LPP: variants seen among roughly 807,000 people sequenced by gnomAD.
The protein encoded by LPP is LIM domain containing preferred translocation partner in lipoma.
A neutral mutation model predicts 60.4 loss-of-function variants in LPP; 38 were observed. The ratio of observed to expected loss-of-function variants is 0.63; its 90% CI spans 0.49 to 0.83. The LOEUF (loss-of-function observed/expected upper bound fraction) is 0.83, where lower values mean the gene tolerates loss of function less well. Among genes scored for constraint, LPP ranks in the 40% least tolerant of loss-of-function variants. The pLI, the probability that LPP is intolerant of heterozygous loss-of-function variation, is 0.00. For missense variants in LPP, 902 were observed against 783.6 expected (o/e 1.15, Z -1.80); for synonymous variants, 328 against 290.8 (o/e 1.13, Z -1.30).
chr3:188,305,270 T>A (rs569847928), intron 2 of LPP, among the ~76,000 whole-genome samples: 1 of 152,356 alleles, frequency 6.6e-6, no homozygotes, highest in East Asian at 1.9e-4. Context: ...ATTTCAGTGT[T>A]ATTTTGCAGC....
intron 3 of LPP, among the ~76,000 whole-genome samples, chr3:188,356,208 CT>C (rs1767566556): frequency 6.6e-6 from 1 of 152,182 alleles, no homozygotes; most frequent in Admixed American, 6.5e-5. Context: ...ATCCCAACTT[CT>C]TTTTCCTACT....
At chr3:188,858,721 A>G (rs1411619546) in intron 9 of LPP, among the ~76,000 whole-genome samples, 1 of 152,198 alleles carries the variant, frequency 6.6e-6, no homozygotes, top group Non-Finnish European at 1.5e-5. Flanking sequence ...ATACAAACAG[A>G]AAATTTTATA....
chr3:188,313,507 G>A (rs531048975), intron 2 of LPP, among the ~76,000 whole-genome samples: 3 of 151,994 alleles, frequency 2.0e-5, no homozygotes, highest in South Asian at 4.2e-4. Flanking sequence ...GTGTGGTGGC[G>A]GGCACCTGTA....
intron 3 of LPP, among the ~76,000 whole-genome samples, chr3:188,390,058 C>A (rs1248656479): frequency 6.6e-6 from 1 of 152,086 alleles, no homozygotes; most frequent in Non-Finnish European, 1.5e-5. Flanking sequence ...CATAGAGGAC[C>A]CACAGCATGA....
intron 9 of LPP, among the ~76,000 whole-genome samples, chr3:188,771,549 CA>C (rs66712771): frequency 0.2 from 21,154 of 107,718 alleles, 1,603 homozygotes; most frequent in Non-Finnish European, 0.24. Context: ...GACTCCATCT[CA>C]AAAAAAAAAA....
At chr3:188,671,747 T>C (rs929807403) in intron 7 of LPP, among the ~76,000 whole-genome samples, 1 of 152,192 alleles carries the variant, frequency 6.6e-6, no homozygotes, top group Non-Finnish European at 1.5e-5. Context: ...TCCTGAAAAC[T>C]ATGAGTCTGT....
At chr3:188,523,246 C>T (rs1418785054) in intron 5 of LPP, among the ~76,000 whole-genome samples, 1 of 152,044 alleles carries the variant, frequency 6.6e-6, no homozygotes, top group African/African-American at 2.4e-5. Context: ...ACAAGGAAGC[C>T]AACTGCCTCT....
chr3:188,168,050 C>A (rs1042347709), intron 1 of LPP, among the ~76,000 whole-genome samples: 1 of 152,132 alleles, frequency 6.6e-6, no homozygotes, highest in African/African-American at 2.4e-5. Context: ...GGGCTGAAGA[C>A]GCTTGATATA....
At chr3:188,252,356 GT>G (rs71634071) in intron 2 of LPP, among the ~76,000 whole-genome samples, 4 of 77,668 alleles carry the variant, frequency 5.2e-5, no homozygotes, top group Non-Finnish European at 8.1e-5. Flanking sequence ...CCCTTCTTCC[GT>G]TTTTTTTTCC....
intron 4 of LPP, among the ~76,000 whole-genome samples, chr3:188,466,806 C>T (rs1426272): frequency 0.92 from 97,922 of 106,182 alleles, 44,924 homozygotes; most frequent in Non-Finnish European, 0.95. Context: ...CATCTCAGAA[C>T]ATATATATAT....
intron 9 of LPP, among the ~76,000 whole-genome samples, chr3:188,836,263 A>G (rs1189085018): frequency 6.6e-6 from 1 of 152,230 alleles, no homozygotes; most frequent in Non-Finnish European, 1.5e-5. Flanking sequence ...CTTTTTAAGC[A>G]TAACATAAAA....
intron 7 of LPP, among the ~76,000 whole-genome samples, chr3:188,611,611 G>T (rs1843732039): frequency 6.6e-6 from 1 of 152,204 alleles, no homozygotes; most frequent in Non-Finnish European, 1.5e-5. Flanking sequence ...ATTTAGCCCT[G>T]CCCAAAACAG....
chr3:188,477,317 A>G (rs1246438816), intron 4 of LPP, among the ~76,000 whole-genome samples: 1 of 152,214 alleles, frequency 6.6e-6, no homozygotes, highest in Non-Finnish European at 1.5e-5. Flanking sequence ...ATTGCTTTCT[A>G]AAACTGAGAC....
chr3:188,240,616 A>T (rs531569045), intron 2 of LPP, among the ~76,000 whole-genome samples: 1 of 152,284 alleles, frequency 6.6e-6, no homozygotes, highest in Admixed American at 6.5e-5. Context: ...CCAGCAACAT[A>T]TTTGGGTAGA....
At chr3:188,269,032 G>T (rs114220538) in intron 2 of LPP, among the ~76,000 whole-genome samples, 16 of 152,224 alleles carry the variant, frequency 1.1e-4, no homozygotes, top group Non-Finnish European at 2.1e-4. Flanking sequence ...TGCCTCCAGG[G>T]GTCTATCAGT....
intron 2 of LPP, among the ~76,000 whole-genome samples, chr3:188,318,548 C>T (rs1048340238): frequency 6.6e-5 from 10 of 151,894 alleles, no homozygotes; most frequent in Admixed American, 5.9e-4. Flanking sequence ...TTTGTAAACT[C>T]GGCTCATATA....
At chr3:188,463,004 G>A (rs1362844421) in intron 4 of LPP, among the ~76,000 whole-genome samples, 1 of 152,088 alleles carries the variant, frequency 6.6e-6, no homozygotes, top group Middle Eastern at 3.2e-3. Flanking sequence ...TTCTTGGGAG[G>A]CTGAGGCAGG....
At chr3:188,369,350 T>C (rs1772310941) in intron 3 of LPP, among the ~76,000 whole-genome samples, 1 of 152,038 alleles carries the variant, frequency 6.6e-6, no homozygotes, top group Non-Finnish European at 1.5e-5. Context: ...TGAAGGCAAG[T>C]ACATTAAGCT....
intron 8 of LPP, chr3:188,708,739 T>G: frequency 5.7e-6 from 2 of 351,110 alleles, no homozygotes; most frequent in Non-Finnish European, 5.2e-6. Flanking sequence ...GTGCCTGCAG[T>G]CCCAGCTACT....
Sources: gnomAD v4.1 joint callset for allele counts (sites outside exome capture counted in the v4.1 genomes callset) on GRCh38, gnomAD v4.1.1 for gene constraint, MANE v1.5 for transcripts, NCBI Gene and HGNC (gene_info 2026-07-23, HGNC 2026-07-21) for gene names.